The following HMCN2 variants were observed in gnomAD, a reference collection of about 807,000 sequenced individuals.
HMCN2 encodes the protein hemicentin 2.
In HMCN2, 325 loss-of-function variants were observed where a neutral mutation model predicts 377.5. The ratio of observed to expected loss-of-function variants is 0.86; its 90% CI spans 0.79 to 0.94. The LOEUF (loss-of-function observed/expected upper bound fraction) is 0.94, where lower values mean the gene tolerates loss of function less well. Ranked by LOEUF, HMCN2 falls within the 40% of genes least tolerant of loss-of-function variation. The pLI is 0.00. For synonymous variants in HMCN2, 2,007 were observed against 2,046.8 expected (o/e 0.98, Z 0.53); for missense variants, 4,543 against 4,725.3 (o/e 0.96, Z 1.13).
In HMCN2 at chr9:130,393,871, C is replaced by T. The variant is rs1475478927; in HGVS notation, c.10364C>T (p.Pro3455Leu). The change falls in exon 68 of 98, where the codon CCC becomes CTC. Residue 3455 changes from proline to leucine, a missense_variant. Physicochemically the swap from Pro to Leu is moderately conservative, Grantham distance 98. This residue lies in a region of HMCN2 where 1,073 missense variants were observed against 1,319.5 expected (regional missense o/e 0.81). Transcript: ENST00000683500. This position sits in a 1 kb window ranked among gnomAD's most constrained non-coding sequence, Gnocchi z 5.2. ...PLVSWMKDGEPLLSQSLEQGP... is the reference protein window; with the variant it reads ...PLVSWMKDGELLLSQSLEQGP... Reference sequence around the variant, plus strand: ...GTGTCGTGGATGAAGGATGGGGAACCCTTGTTGTCCCAGAGCCTCGAGCAG... The same window carrying T: ...GTGTCGTGGATGAAGGATGGGGAACTCTTGTTGTCCCAGAGCCTCGAGCAG... 16 of 1,289,494 alleles carry T rather than the reference C, an allele frequency of 1.2e-5. No individual in the cohort carries two copies. Among genetic ancestry groups the T allele is most frequent in the African/African-American group, 3.0e-5 (2 of 65,820 alleles). 79.9% of individuals were successfully genotyped at this position (1,289,494 alleles called of 1,614,324 possible). A position where few individuals can be genotyped will look rare whatever the true frequency, so the allele number is the denominator to read the frequency against.
chr9:130,334,882 G>A (rs962773777), intron 22 of HMCN2, among the ~76,000 whole-genome samples: 1,621 of 134,010 alleles, frequency 0.012, 18 homozygotes, highest in South Asian at 0.043. Flanking sequence ...GTCTTGCCCC[G>A]TTGCCCAGGC....
In HMCN2 at chr9:130,364,764, G is replaced by A. The variant is rs968704391; in HGVS notation, c.6283G>A (p.Glu2095Lys). 2.3e-5 allele frequency: 23 copies of A among 985,840 alleles called. No individual in the cohort carries two copies. The highest frequency in any genetic ancestry group is 2.5e-5 in the Non-Finnish European group (21 of 830,016). The allele number at this position is 985,840 out of a possible 1,614,324, so 61.1% of individuals were successfully genotyped here. A position where few individuals can be genotyped will look rare whatever the true frequency, so the allele number is the denominator to read the frequency against. ...GCTGAATGTGTCCGTTGTGGCCAAT[G>A]AGTCAGTGGCCCTGGAGTGCCAGAG... ...EELNVSVVAN[E>K]SVALECQSHA... The change falls in exon 41 of 98, where the codon GAG (glutamate) becomes AAG (lysine). Residue 2095 changes from glutamate (E) to lysine (K), a missense_variant. Around this residue, in one of 5 missense-constraint regions of HMCN2, gnomAD observed 1,032 missense variants for 1,285.1 expected, o/e 0.80. Coordinates refer to ENST00000683500, the MANE Select transcript of HMCN2 (RefSeq NM_001291815.2).
At chr9:130,426,673 C>T (rs1844391694) in intron 90 of HMCN2, among the ~76,000 whole-genome samples, 1 of 152,196 alleles carries the variant, frequency 6.6e-6, no homozygotes. Context: ...ACCCATGGCC[C>T]ACAGGCCGCA....
intron 1 of HMCN2, among the ~76,000 whole-genome samples, chr9:130,280,154 T>G (rs1332429771): frequency 2.8e-3 from 429 of 150,710 alleles, no homozygotes; most frequent in African/African-American, 8.7e-3. Flanking sequence ...GTGTGTGTTT[T>G]TTTTTTTTTT....
chr9:130,396,079 G>GGGCC lies in HMCN2; in HGVS notation c.11053+14_11053+15insGGCC. 6.2e-6 allele frequency: 3 copies of GGGCC among 482,650 alleles called. No homozygotes were observed. The highest frequency in any genetic ancestry group is 8.0e-6 in the Non-Finnish European group (3 of 375,430). The allele number at this position is 482,650 out of a possible 1,614,324, so 29.9% of individuals were successfully genotyped here. A position where few individuals can be genotyped will look rare whatever the true frequency, so the allele number is the denominator to read the frequency against. ...TGGAGATCCACAGTGAGTAGGGCCC[G>GGGCC]CCCCACCCCACCCTGCCCACCTTAC... On this transcript the variant is annotated intron_variant, in intron 72 of 97. Transcript: ENST00000683500.
Position 130,395,856 on chromosome 9 carries a change from C to T in HMCN2, c.10912-68C>T. On this transcript the variant is annotated intron_variant, in intron 71 of 97. Coordinates refer to ENST00000683500, the MANE Select transcript of HMCN2 (RefSeq NM_001291815.2). ...TCACCAGTTCCTCAGTCTTCCACAT[C>T]TGCTGCCGGGTGGCCTGACGCAGCT... 3 of 1,232,434 alleles carry T rather than the reference C, an allele frequency of 2.4e-6. No individual in the cohort carries two copies. The South Asian group carries it at 4.1e-5, about 17-fold the overall frequency. 76.3% of individuals were successfully genotyped at this position (1,232,434 alleles called of 1,614,324 possible). A position where few individuals can be genotyped will look rare whatever the true frequency, so the allele number is the denominator to read the frequency against.
chr9:130,373,692 GATGGATGGATAGGTA>G (rs1268729236), intron 48 of HMCN2, among the ~76,000 whole-genome samples: 45 of 150,012 alleles, frequency 3.0e-4, no homozygotes, highest in Non-Finnish European at 5.1e-4. Context: ...TGGATGGATA[GATGGATGGATAGGTA>G]GATGGATGGA....
Position 130,395,269 on chromosome 9 carries a change from G to A in HMCN2, c.10833G>A (p.Gly3611=), listed in dbSNP as rs1370616367. The A allele has an allele frequency of 7.8e-7, 1 of 1,289,614 alleles. No homozygotes were observed. The highest frequency in any genetic ancestry group is 1.0e-6 in the Non-Finnish European group (1 of 988,752). 79.9% of individuals were successfully genotyped at this position (1,289,614 alleles called of 1,614,324 possible). A position where few individuals can be genotyped will look rare whatever the true frequency, so the allele number is the denominator to read the frequency against. ...GPRFVVGLAP[G]QLVLECSVEA... ...GCTTTGTGGTCGGCCTGGCCCCAGGGCAGCTGGTCCTGGAGTGTTCGGTGG... is the reference window on the plus strand; with the variant it reads ...GCTTTGTGGTCGGCCTGGCCCCAGGACAGCTGGTCCTGGAGTGTTCGGTGG... Residue 3611 remains glycine (G), a synonymous_variant, in exon 71 of 98, where the codon GGG becomes GGA. Coordinates refer to ENST00000683500, the MANE Select transcript of HMCN2 (RefSeq NM_001291815.2).
chr9:130,345,450 G>C (rs1410198363), intron 25 of HMCN2, among the ~76,000 whole-genome samples: 1 of 148,674 alleles, frequency 6.7e-6, no homozygotes, highest in Non-Finnish European at 1.5e-5. Context: ...GTGTGTATGT[G>C]GTGTGTGGTG....
At position 130,321,302 on chromosome 9, in the gene HMCN2, C is replaced by T. The variant is rs1354530981; in HGVS notation, c.2775+399C>T. 5.5e-5 allele frequency among the ~76,000 whole-genome samples: 8 copies of T among 145,446 alleles called. No individual in the cohort carries two copies. In the East Asian group the frequency reaches 9.8e-4, roughly 18 times the overall value. ...GCCCCAGACACCGGCGCGCGCTGAA[C>T]GCACAGTGGTTGCCTTATCAACCAG... On this transcript the variant is annotated intron_variant, in intron 18 of 97. Transcript: ENST00000683500.
At chr9:130,427,842 T>A (rs145064323) in intron 92 of HMCN2, among the ~76,000 whole-genome samples, 2 of 152,090 alleles carry the variant, frequency 1.3e-5, no homozygotes, top group East Asian at 3.9e-4. Flanking sequence ...TATCAGGGGG[T>A]GATGGGCAGC....
Position 130,408,750 on chromosome 9 carries a change from T to C in HMCN2, c.12696T>C (p.Pro4232=). 7.8e-7 allele frequency: 1 copy of C among 1,288,846 alleles called. No individual in the cohort carries two copies. The highest frequency in any genetic ancestry group is 1.0e-6 in the Non-Finnish European group (1 of 988,244). The allele number at this position is 1,288,846 out of a possible 1,614,324, so 79.8% of individuals were successfully genotyped here. ...CGATGTCACCCCATGCAGAGGCTCCTGTCCTACAAGGGGAGGCTTTCTCCT... is the reference window on the plus strand; with the variant it reads ...CGATGTCACCCCATGCAGAGGCTCCCGTCCTACAAGGGGAGGCTTTCTCCT... The part of the protein sequence containing the change: ...AVSFVHVKEA[P]VLQGEAFSYL... The change falls in exon 84 of 98, where the codon CCT becomes CCC. Residue 4232 remains proline (P), a synonymous_variant. Coordinates refer to ENST00000683500, the MANE Select transcript of HMCN2 (RefSeq NM_001291815.2).
At chr9:130,403,913 C>G (rs1366277940) in intron 80 of HMCN2, 38 bp downstream of exon 80, 4 of 1,277,674 alleles carry the variant, frequency 3.1e-6, no homozygotes, top group Non-Finnish European at 2.0e-6. Context: ...GCCCTGGCAA[C>G]TGAGGGGCTT....
rs567025183 is a variant in HMCN2 at position 130,355,166 on chromosome 9, C to T, written c.5146+122C>T. On this transcript the variant is annotated intron_variant, in intron 32 of 97. Coordinates refer to ENST00000683500, the MANE Select transcript of HMCN2 (RefSeq NM_001291815.2). ...AGGGTGGGGAGAAGTAACCAGTGTC[C>T]CCACATTGCATGACACAGATGAGGA... is the stretch of plus-strand genomic sequence containing the variant. 97 of 811,544 alleles carry T rather than the reference C, an allele frequency of 1.2e-4. No individual in the cohort carries two copies. In the African/African-American group the frequency reaches 1.6e-3, roughly 14 times the overall value. The allele number at this position is 811,544 out of a possible 1,614,324, so 50.3% of individuals were successfully genotyped here. A position where few individuals can be genotyped will look rare whatever the true frequency, so the allele number is the denominator to read the frequency against.
At chr9:130,392,890 G>A (rs1453469728) in intron 66 of HMCN2, among the ~76,000 whole-genome samples, 1 of 152,016 alleles carries the variant, frequency 6.6e-6, no homozygotes, top group Non-Finnish European at 1.5e-5. Flanking sequence ...CAGCTACTCG[G>A]GAGGCTGAGG....
chr9:130,374,773 TC>T lies in HMCN2; in HGVS notation c.7630+83del, dbSNP rs536913433. ...GGTGACTGGCTCCTTACAGACAACTTCCCACAAACCATTCTACTATTTTTCT... is the reference window on the plus strand; with the variant it reads ...GGTGACTGGCTCCTTACAGACAACTTCCACAAACCATTCTACTATTTTTCT... On this transcript the variant is annotated intron_variant, in intron 49 of 97. Transcript: ENST00000683500. 315 of 665,958 alleles carry T rather than the reference TC, an allele frequency of 4.7e-4. 1 individual carries two copies. The highest frequency in any genetic ancestry group is 5.4e-4 in the Non-Finnish European group (290 of 538,102). 41.3% of individuals were successfully genotyped at this position (665,958 alleles called of 1,614,324 possible).
chr9:130,353,089 G>A lies in HMCN2; in HGVS notation c.4748G>A (p.Arg1583Lys), dbSNP rs1203484483. 3.8e-6 allele frequency: 5 copies of A among 1,304,268 alleles called. No homozygotes were observed. The highest frequency in any genetic ancestry group is 4.6e-5 in the Admixed American group (2 of 43,570). 80.8% of individuals were successfully genotyped at this position (1,304,268 alleles called of 1,614,324 possible). ...ACCAGCACCAAGGTGGTCTACACTAGGGGCGGTCGGCAGTTGCAGCTGGGG... is the reference window on the plus strand; with the variant it reads ...ACCAGCACCAAGGTGGTCTACACTAAGGGCGGTCGGCAGTTGCAGCTGGGG... ...LPTSTKVVYT[R>K]GGRQLQLGRA... The change falls in exon 31 of 98, where the codon AGG (arginine) becomes AAG (lysine). Residue 1583 changes from arginine to lysine, a missense_variant. This residue lies in a region of HMCN2 where 1,032 missense variants were observed against 1,285.1 expected (regional missense o/e 0.80). Transcript: ENST00000683500.
At chr9:130,316,078 A>G (rs912707540) in intron 15 of HMCN2, among the ~76,000 whole-genome samples, 4 of 152,082 alleles carry the variant, frequency 2.6e-5, no homozygotes, top group African/African-American at 9.7e-5. Context: ...CTGCTGCACC[A>G]CCGAGGGTGG....
At chr9:130,272,629 C>A (rs1249212183) in intron 1 of HMCN2, among the ~76,000 whole-genome samples, 1 of 152,156 alleles carries the variant, frequency 6.6e-6, no homozygotes, top group African/African-American at 2.4e-5. Context: ...CTCACTGCTT[C>A]CTCCATCTCC....
Sources: gnomAD v4.1 joint callset for allele counts (sites outside exome capture counted in the v4.1 genomes callset) on GRCh38, gnomAD v4.1.1 for gene constraint, gnomAD v4.1.1 regional missense constraint, Gnocchi (gnomAD v3.1) non-coding constraint, MANE v1.5 for transcripts, NCBI Gene and HGNC (gene_info 2026-07-23, HGNC 2026-07-21) for gene names.